PTGES3: variants seen among roughly 807,000 people sequenced by gnomAD.
The protein encoded by PTGES3 is Hsp90 co-chaperone.
PTGES3 carries 5 observed loss-of-function variants against 29.9 expected under a neutral mutation model. The observed-to-expected ratio is 0.17, with a 90% CI of 0.09 to 0.35. The LOEUF is 0.35. PTGES3 is among the 10% of genes least tolerant of loss of function. The probability of loss-of-function intolerance (pLI) is 1.00; values close to 1 mark genes in which losing one functional copy is unlikely to be tolerated. For synonymous variants in PTGES3, 49 were observed against 57.8 expected (o/e 0.85, Z 0.69); for missense variants, 128 against 190.0 (o/e 0.67, Z 1.92).
In PTGES3 at chr12:56,686,239, T is replaced by C. The variant is rs571221453; in HGVS notation, c.2+1759A>G. On this transcript the variant is annotated intron_variant, in intron 1 of 7. Transcript: ENST00000262033. ...GTTGTTTGGCTCTATTATTAAAAGCTGCTTAATGCCTCATCTGACAAAAAA... is the reference window on the plus strand; with the variant it reads ...GTTGTTTGGCTCTATTATTAAAAGCCGCTTAATGCCTCATCTGACAAAAAA... 1.4e-4 allele frequency among the ~76,000 whole-genome samples: 22 copies of C among 152,356 alleles called. No homozygotes were observed. The South Asian group carries it at 4.1e-3, about 29-fold the overall frequency.
At chr12:56,669,922 C>T (rs1415285304) in intron 5 of PTGES3, among the ~76,000 whole-genome samples, 1 of 142,678 alleles carries the variant, frequency 7.0e-6, no homozygotes, top group East Asian at 2.1e-4. Flanking sequence ...AGTTTATAGT[C>T]TTATTTTATG....
chr12:56,668,170 T>C (rs1951859160), intron 5 of PTGES3, among the ~76,000 whole-genome samples: 1 of 152,188 alleles, frequency 6.6e-6, no homozygotes, highest in Non-Finnish European at 1.5e-5. Context: ...CTTACCTCAA[T>C]TAATTAAACA....
rs74370554 is a variant in PTGES3, at chr12:56,671,993, A to G, written c.187-146T>C. Reference sequence around the variant, plus strand: ...TGCCCTTGACTACTAAAAACTTCAAACTATCCAACTGCCCCAACCCCCTTT... The same window carrying G: ...TGCCCTTGACTACTAAAAACTTCAAGCTATCCAACTGCCCCAACCCCCTTT... On this transcript the variant is annotated intron_variant, in intron 3 of 7. Transcript: ENST00000262033. 513 of 473,768 alleles carry G rather than the reference A, an allele frequency of 1.1e-3. 3 individuals are homozygous for G. Among genetic ancestry groups the G allele is most frequent in the African/African-American group, 9.8e-3 (488 of 49,710 alleles). 29.3% of individuals were successfully genotyped at this position (473,768 alleles called of 1,614,324 possible).
At chr12:56,666,080 C>T (rs1951774068) in intron 6 of PTGES3, 124 bp downstream of exon 6, 3 of 1,405,118 alleles carry the variant, frequency 2.1e-6, no homozygotes, top group Admixed American at 3.2e-5. Flanking sequence ...AATTGCTTTT[C>T]CCTTTTCTTT....
At chr12:56,687,308 G>A (rs1314838289) in intron 1 of PTGES3, 1 of 990,314 alleles carries the variant, frequency 1.0e-6, no homozygotes, top group African/African-American at 1.7e-5. Context: ...GACACGTGCG[G>A]AACTACCTGC....
chr12:56,677,282 A>C (rs1158156834), intron 1 of PTGES3, among the ~76,000 whole-genome samples: 1 of 152,016 alleles, frequency 6.6e-6, no homozygotes, highest in Non-Finnish European at 1.5e-5. Flanking sequence ...ATTTTCCATA[A>C]AACATTACCT....
chr12:56,677,248 CAA>C (rs35136696), intron 1 of PTGES3, among the ~76,000 whole-genome samples: 36 of 109,952 alleles, frequency 3.3e-4, no homozygotes, highest in African/African-American at 2.8e-4. Context: ...CCGCACCACC[CAA>C]AAAAAAAAAA....
intron 4 of PTGES3, among the ~76,000 whole-genome samples, chr12:56,671,217 T>A (rs888848747): frequency 6.6e-6 from 1 of 152,076 alleles, no homozygotes; most frequent in Non-Finnish European, 1.5e-5. Flanking sequence ...TGGGCAACAC[T>A]GTGATACCCC....
intron 1 of PTGES3, among the ~76,000 whole-genome samples, chr12:56,684,930 C>G (rs937048769): frequency 1.3e-5 from 2 of 151,956 alleles, no homozygotes; most frequent in Non-Finnish European, 2.9e-5. Flanking sequence ...TTTAAGACAC[C>G]CAGCATAAAT....
intron 5 of PTGES3, 121 bp from the exon 6 acceptor site, chr12:56,666,387 A>AT (rs1951787701): frequency 3.4e-6 from 4 of 1,193,712 alleles, no homozygotes; most frequent in Non-Finnish European, 4.5e-6. Context: ...CAAAATGCAA[A>AT]TATAAGCATC....
rs139944460 is a variant in PTGES3 at position 56,678,932 on chromosome 12, C to T, written c.3-5867G>A. ...AGGAGTTCAAGACCAGCCTGGGCAA[C>T]ACTGCGAGACCACATCTCTGCCAAA... On this transcript the variant is annotated intron_variant, in intron 1 of 7. Coordinates refer to ENST00000262033, the MANE Select transcript of PTGES3 (RefSeq NM_006601.7). Among the ~76,000 whole-genome samples the T allele has an allele frequency of 9.6e-4, 146 of 152,162 alleles. 3 individuals carry two copies. The East Asian group carries it at 0.027, about 28-fold the overall frequency.
At chr12:56,666,688 C>T (rs913720396) in intron 5 of PTGES3, among the ~76,000 whole-genome samples, 2 of 151,954 alleles carry the variant, frequency 1.3e-5, no homozygotes, top group Non-Finnish European at 2.9e-5. Flanking sequence ...AGTATGGTGG[C>T]GTGATCTCAG....
rs926775986 is a variant in PTGES3, at chr12:56,687,904, G to A, written c.2+94C>T. On this transcript the variant is annotated intron_variant, in intron 1 of 7. Transcript: ENST00000262033. ...CCAGGCAGGAACGACTGCCACCACCGATGCGAGAAAGGCTAGGGGGCCGCT... is the reference window on the plus strand; with the variant it reads ...CCAGGCAGGAACGACTGCCACCACCAATGCGAGAAAGGCTAGGGGGCCGCT... 4.4e-6 allele frequency: 7 copies of A among 1,596,948 alleles called. No individual in the cohort carries two copies. The African/African-American group carries it at 5.4e-5, about 12-fold the overall frequency.
chr12:56,684,655 C>T (rs902622336), intron 1 of PTGES3, among the ~76,000 whole-genome samples: 1 of 152,124 alleles, frequency 6.6e-6, no homozygotes, highest in Non-Finnish European at 1.5e-5. Context: ...AAACATTTTA[C>T]TTTTTCTCTA....
At chr12:56,685,535 G>A (rs1173187120) in intron 1 of PTGES3, among the ~76,000 whole-genome samples, 3 of 151,172 alleles carry the variant, frequency 2.0e-5, no homozygotes, top group Admixed American at 6.6e-5. Context: ...CAAGTAGCTG[G>A]GACCACAGGC....
At position 56,688,159 on chromosome 12, in the gene PTGES3, C is replaced by G; in HGVS notation, c.-160G>C. ...GCGACGGCGGCAGCGGCGGGCTCGA[C>G]CTCGGGCCCCAGAATGCACCGCGCG... On this transcript the variant is annotated 5_prime_UTR_variant, in exon 1 of 8. Coordinates refer to ENST00000262033, the MANE Select transcript of PTGES3 (RefSeq NM_006601.7). 7.6e-7 allele frequency: 1 copy of G among 1,318,206 alleles called. No homozygotes were observed. Among genetic ancestry groups the G allele is most frequent in the Non-Finnish European group, 9.9e-7 (1 of 1,014,954 alleles). The allele number at this position is 1,318,206 out of a possible 1,614,324, so 81.7% of individuals were successfully genotyped here. A position where few individuals can be genotyped will look rare whatever the true frequency, so the allele number is the denominator to read the frequency against.
At chr12:56,666,846 C>T (rs113009603) in intron 5 of PTGES3, among the ~76,000 whole-genome samples, 7 of 151,828 alleles carry the variant, frequency 4.6e-5, no homozygotes, top group African/African-American at 7.3e-5. Context: ...AGGCTGGTCT[C>T]GAATTCCTGG....
At chr12:56,683,216 G>A (rs754728966) in intron 1 of PTGES3, among the ~76,000 whole-genome samples, 10 of 151,514 alleles carry the variant, frequency 6.6e-5, no homozygotes, top group Non-Finnish European at 1.2e-4. Flanking sequence ...CAGATGCAGT[G>A]GCTCACACCT....
rs927777312 is a variant in PTGES3, at chr12:56,682,722, A to G, written c.2+5276T>C. 2.7e-4 allele frequency among the ~76,000 whole-genome samples: 5 copies of G among 18,844 alleles called. No homozygotes were observed. In the East Asian group the frequency reaches 6.2e-3, roughly 23 times the overall value. 12.4% of individuals were successfully genotyped at this position (18,844 alleles called of 152,430 possible). On this transcript the variant is annotated intron_variant, in intron 1 of 7. Transcript: ENST00000262033. ...GTAAGATCCCGTCTCCATTTAAAAG[A>G]AAAAAAAAAAAAAAGGCCGGGCGTG...
Sources: gnomAD v4.1 joint callset for allele counts (sites outside exome capture counted in the v4.1 genomes callset) on GRCh38, gnomAD v4.1.1 for gene constraint, MANE v1.5 for transcripts, NCBI Gene and HGNC (gene_info 2026-07-23, HGNC 2026-07-21) for gene names.